PRKCZ: variants seen among roughly 807,000 people sequenced by gnomAD.
The protein encoded by PRKCZ is protein kinase C zeta, also known as protein kinase C zeta type.
PRKCZ carries 33 observed loss-of-function variants against 79.5 expected under a neutral mutation model. That is an observed-to-expected ratio of 0.41 (90% CI 0.31 to 0.55). PRKCZ has a LOEUF of 0.55. Ranked by LOEUF, PRKCZ falls within the 20% of genes least tolerant of loss-of-function variation. The probability of loss-of-function intolerance (pLI) is 0.19; values close to 1 mark genes in which losing one functional copy is unlikely to be tolerated. For synonymous variants in PRKCZ, 342 were observed against 320.9 expected, an observed-to-expected ratio of 1.07 and a Z score of -0.70; for missense variants, 578 against 813.5, an observed-to-expected ratio of 0.71 and a Z score of 3.52.
In PRKCZ at chr1:2,125,879, C is replaced by T. The variant is rs922164725; in HGVS notation, c.335-9383C>T. 3.9e-5 allele frequency among the ~76,000 whole-genome samples: 6 copies of T among 152,272 alleles called. No individual in the cohort carries two copies. Among genetic ancestry groups the T allele is most frequent in the Middle Eastern group, 3.4e-3 (1 of 294 alleles). ...TGGAAGGAGCCGCCCGGCTGCCTCT[C>T]GCCAACATGCAGCACTTCCCTTCCT... On this transcript the variant is annotated intron_variant, in intron 4 of 17. Coordinates refer to ENST00000378567, the MANE Select transcript of PRKCZ (RefSeq NM_002744.6). The surrounding 1 kb of genome is among the most constrained non-coding windows in gnomAD (Gnocchi z 4.2).
intron 4 of PRKCZ, among the ~76,000 whole-genome samples, chr1:2,110,793 C>A (rs910318617): frequency 1.3e-5 from 2 of 151,372 alleles, no homozygotes; most frequent in Non-Finnish European, 2.9e-5. Context: ...GGGCTGGTGA[C>A]AGTGGAGTCC....
At chr1:2,124,827 A>T (rs1282707737) in intron 4 of PRKCZ, among the ~76,000 whole-genome samples, 2 of 147,246 alleles carry the variant, frequency 1.4e-5, no homozygotes, top group East Asian at 3.9e-4. Context: ...CTCTGGCAAC[A>T]CCTTCTCTTC....
intron 2 of PRKCZ, 89 bp downstream of exon 2, chr1:2,055,651 C>G: frequency 6.7e-7 from 1 of 1,499,252 alleles, no homozygotes; most frequent in Non-Finnish European, 8.9e-7. Flanking sequence ...TCAGCCAATT[C>G]TGTGGGGAGA....
chr1:2,090,256 G>A (rs567252283), intron 4 of PRKCZ, among the ~76,000 whole-genome samples: 93 of 152,328 alleles, frequency 6.1e-4, no homozygotes, highest in African/African-American at 2.0e-3. Context: ...AGAGGCCCTG[G>A]GGGCTGCACC....
intron 6 of PRKCZ, chr1:2,144,594 G>C: frequency 3.0e-6 from 4 of 1,347,480 alleles, no homozygotes; most frequent in Non-Finnish European, 3.8e-6. Flanking sequence ...GGTAGGACGT[G>C]GTACGCTCTG....
At chr1:2,088,480 C>T (rs148926800) in intron 4 of PRKCZ, among the ~76,000 whole-genome samples, 2 of 152,346 alleles carry the variant, frequency 1.3e-5, no homozygotes, top group East Asian at 1.9e-4. Context: ...ATTTGCTGAA[C>T]GTCCTCGAGT....
intron 7 of PRKCZ, 50 bp downstream of exon 7, chr1:2,146,158 C>A (rs879173223): frequency 1.1e-5 from 17 of 1,513,822 alleles, no homozygotes; most frequent in South Asian, 1.0e-4. Flanking sequence ...TCACCTCACC[C>A]TGCTCACCTC....
At position 2,075,214 on chromosome 1, in the gene PRKCZ, C is replaced by T. The variant is rs1423023262; in HGVS notation, c.334+15623C>T. ...GGAGAAACGTGCTGTGTCATAGTTT[C>T]CTCGGTGCCTGGGACGGCTTGGCCT... On this transcript the variant is annotated intron_variant, in intron 4 of 17. Coordinates refer to ENST00000378567, the MANE Select transcript of PRKCZ (RefSeq NM_002744.6). This position sits in a 1 kb window ranked among gnomAD's most constrained non-coding sequence, Gnocchi z 4.8. 2 of 152,296 alleles carry T rather than the reference C, an allele frequency of 1.3e-5. No individual in the cohort carries two copies. The highest frequency in any genetic ancestry group is 4.8e-5 in the African/African-American group (2 of 41,456). The allele number at this position is 152,296 out of a possible 1,614,324, so 9.4% of individuals were successfully genotyped here. A position where few individuals can be genotyped will look rare whatever the true frequency, so the allele number is the denominator to read the frequency against.
chr1:2,091,193 G>A (rs534291283), intron 4 of PRKCZ, among the ~76,000 whole-genome samples: 146 of 152,202 alleles, frequency 9.6e-4, no homozygotes, highest in African/African-American at 3.4e-3. Context: ...CACCATGCCC[G>A]GCTAATTTTT....
intron 1 of PRKCZ, among the ~76,000 whole-genome samples, chr1:2,051,458 G>A (rs956262978): frequency 7.2e-5 from 11 of 152,218 alleles, no homozygotes; most frequent in African/African-American, 2.4e-4. Flanking sequence ...GGACCCGTGG[G>A]TTTGTTCTTC....
chr1:2,164,343 A>G (rs2103399926), intron 10 of PRKCZ, among the ~76,000 whole-genome samples: 1 of 152,218 alleles, frequency 6.6e-6, no homozygotes, highest in African/African-American at 2.4e-5. Context: ...CAGGTTTCCC[A>G]TGGGAAGTTT....
chr1:2,149,028 TC>T lies in PRKCZ; in HGVS notation c.687+106del. On this transcript the variant is annotated intron_variant, in intron 8 of 17. Transcript: ENST00000378567. This position sits in a 1 kb window ranked among gnomAD's most constrained non-coding sequence, Gnocchi z 4.1. The stretch of plus-strand genomic sequence containing the variant: ...AAATCTAGATGTGAAATAGACATGG[TC>T]CGGGGTGTTGCTAACTAATCTTCAC... The T allele has an allele frequency of 7.8e-7, 1 of 1,287,762 alleles. No homozygotes were observed. Among genetic ancestry groups the T allele is most frequent in the Non-Finnish European group, 1.1e-6 (1 of 899,408 alleles). The allele number at this position is 1,287,762 out of a possible 1,614,324, so 79.8% of individuals were successfully genotyped here. A position where few individuals can be genotyped will look rare whatever the true frequency, so the allele number is the denominator to read the frequency against.
chr1:2,095,022 C>A (rs1423365152), intron 4 of PRKCZ, among the ~76,000 whole-genome samples: 1 of 152,138 alleles, frequency 6.6e-6, no homozygotes, highest in African/African-American at 2.4e-5. Context: ...TGACTGTCAC[C>A]CCAGCCCCCC....
rs375138931 is a variant in PRKCZ at position 2,178,785 on chromosome 1, C to G, written c.1575+3472C>G. Reference sequence around the variant, plus strand: ...TGTGGGAGTGGGGCACGTGTGAGGCCTTGGTCCCCACCTGTGGACTCAGGG... The same window carrying G: ...TGTGGGAGTGGGGCACGTGTGAGGCGTTGGTCCCCACCTGTGGACTCAGGG... On this transcript the variant is annotated intron_variant, in intron 16 of 17. Transcript: ENST00000378567. The surrounding 1 kb of genome is among the most constrained non-coding windows in gnomAD (Gnocchi z 4.3). Among the ~76,000 whole-genome samples the G allele has an allele frequency of 6.6e-6, 1 of 152,180 alleles. No individual in the cohort carries two copies. The highest frequency in any genetic ancestry group is 1.5e-5 in the Non-Finnish European group (1 of 68,030).
At chr1:2,155,090 G>C (rs530483820) in intron 9 of PRKCZ, among the ~76,000 whole-genome samples, 6 of 152,198 alleles carry the variant, frequency 3.9e-5, no homozygotes, top group Non-Finnish European at 8.8e-5. Context: ...TTTGGTGATC[G>C]TGGTGAAGAT....
chr1:2,166,846 GCCC>G (rs1236125029), intron 10 of PRKCZ, among the ~76,000 whole-genome samples: 3 of 152,208 alleles, frequency 2.0e-5, no homozygotes. Flanking sequence ...CTGGCCTTGC[GCCC>G]CTGCCTGAGA....
At chr1:2,105,169 TC>T (rs1241744184) in intron 4 of PRKCZ, among the ~76,000 whole-genome samples, 1 of 152,214 alleles carries the variant, frequency 6.6e-6, no homozygotes, top group Non-Finnish European at 1.5e-5. Context: ...GCCATGCTGT[TC>T]CTTCCAAACC....
chr1:2,143,868 G>A (rs1295415283), intron 5 of PRKCZ: 7 of 242,896 alleles, frequency 2.9e-5, no homozygotes, highest in South Asian at 5.5e-5. Context: ...TACGCAGAGC[G>A]CAGCAGGAGC....
At chr1:2,163,688 A>G (rs1682763418) in intron 10 of PRKCZ, among the ~76,000 whole-genome samples, 1 of 152,064 alleles carries the variant, frequency 6.6e-6, no homozygotes. Context: ...CAGGAGATCA[A>G]GACCATCCTC....
Sources: gnomAD v4.1 joint callset for allele counts (sites outside exome capture counted in the v4.1 genomes callset) on GRCh38, gnomAD v4.1.1 for gene constraint, Gnocchi (gnomAD v3.1) non-coding constraint, MANE v1.5 for transcripts, NCBI Gene and HGNC (gene_info 2026-07-23, HGNC 2026-07-21) for gene names.